AFF3: variants seen among roughly 807,000 people sequenced by gnomAD.
The protein encoded by AFF3 is AF4/FMR2 family member 3.
AFF3 carries 32 observed loss-of-function variants against 129.7 expected under a neutral mutation model. The ratio of observed to expected loss-of-function variants is 0.25; its 90% confidence interval spans 0.19 to 0.33. The LOEUF (loss-of-function observed/expected upper bound fraction) is 0.33, where lower values mean the gene tolerates loss of function less well. AFF3 is among the 10% of genes least tolerant of loss of function. The probability of loss-of-function intolerance (pLI) is 1.00; values close to 1 mark genes in which losing one functional copy is unlikely to be tolerated. For missense variants in AFF3, 1,373 were observed against 1,592.0 expected, an observed-to-expected ratio of 0.86 and a Z score of 2.34; for synonymous variants, 644 against 635.4, an observed-to-expected ratio of 1.01 and a Z score of -0.20.
intron 7 of AFF3, among the ~76,000 whole-genome samples, chr2:99,898,898 C>A (rs2106131149): frequency 6.6e-6 from 1 of 152,336 alleles, no homozygotes; most frequent in East Asian, 1.9e-4. Flanking sequence ...CTCACAGGGC[C>A]TGTCCTGCCT....
chr2:100,003,966 A>G (rs1328293362), intron 7 of AFF3, among the ~76,000 whole-genome samples: 3 of 146,096 alleles, frequency 2.1e-5, no homozygotes, highest in African/African-American at 8.1e-5. Context: ...GGAGGCAGAG[A>G]TTACATCTTA....
At chr2:99,563,144 G>A (rs895089635) in intron 20 of AFF3, among the ~76,000 whole-genome samples, 1 of 152,018 alleles carries the variant, frequency 6.6e-6, no homozygotes, top group Non-Finnish European at 1.5e-5. Flanking sequence ...GGGAGAGGAG[G>A]GTCAGGCAGG....
rs529207118 is a variant in AFF3, at chr2:99,682,741, C to A, written c.1092-10152G>T. ...GAACTACATTTCCCCAGAATCCCTGCCGATAGGGTTTTTGGTTAAATGTTG... is the reference window on the plus strand; with the variant it reads ...GAACTACATTTCCCCAGAATCCCTGACGATAGGGTTTTTGGTTAAATGTTG... On this transcript the variant is annotated intron_variant, in intron 11 of 24. Transcript: ENST00000672756. Among the ~76,000 whole-genome samples the A allele has an allele frequency of 8.5e-5, 13 of 152,298 alleles. No homozygotes were observed. In the South Asian group the frequency reaches 2.7e-3, roughly 32 times the overall value.
intron 8 of AFF3, among the ~76,000 whole-genome samples, chr2:99,828,889 T>C (rs1286718421): frequency 6.6e-6 from 1 of 152,182 alleles, no homozygotes; most frequent in African/African-American, 2.4e-5. Context: ...ATACTTTTAG[T>C]AGAATCTTAT....
chr2:99,906,805 C>T (rs1194844193), intron 7 of AFF3, among the ~76,000 whole-genome samples: 3 of 151,936 alleles, frequency 2.0e-5, no homozygotes, highest in Admixed American at 2.0e-4. Context: ...TAAGCCAACA[C>T]CTTGCAATCA....
chr2:100,021,231 C>A (rs1261360217), intron 4 of AFF3, among the ~76,000 whole-genome samples: 2 of 152,164 alleles, frequency 1.3e-5, no homozygotes, highest in African/African-American at 2.4e-5. Flanking sequence ...TTAAACCATA[C>A]CATAAGAAGA....
chr2:100,059,351 A>C (rs1015809467), intron 4 of AFF3, among the ~76,000 whole-genome samples: 1 of 151,706 alleles, frequency 6.6e-6, no homozygotes, highest in Admixed American at 6.6e-5. Context: ...AAAGGTGTTC[A>C]ACATCTTTAG....
At chr2:99,830,525 G>A (rs1232672190) in intron 8 of AFF3, among the ~76,000 whole-genome samples, 1 of 152,180 alleles carries the variant, frequency 6.6e-6, no homozygotes, top group East Asian at 1.9e-4. Context: ...GCCGAGACAG[G>A]TGGATCATGT....
intron 12 of AFF3, among the ~76,000 whole-genome samples, chr2:99,661,519 G>A (rs1686228061): frequency 6.6e-6 from 1 of 151,994 alleles, no homozygotes; most frequent in African/African-American, 2.4e-5. Flanking sequence ...TTCCATTTAG[G>A]GTCCTCAGGC....
At chr2:100,105,239 G>A in intron 3 of AFF3, 1 of 1,038,960 alleles carries the variant, frequency 9.6e-7, no homozygotes, top group Non-Finnish European at 1.2e-6. Flanking sequence ...GGGCGCTCCC[G>A]CGGGCGGCGG....
At chr2:99,986,578 G>A (rs555462214) in intron 7 of AFF3, among the ~76,000 whole-genome samples, 1 of 152,200 alleles carries the variant, frequency 6.6e-6, no homozygotes, top group East Asian at 1.9e-4. Context: ...TATATTTAAA[G>A]CAAAGAAGCT....
Position 100,033,293 on chromosome 2 carries a change from C to A in AFF3, c.54-24361G>T, listed in dbSNP as rs181763212. On this transcript the variant is annotated intron_variant, in intron 4 of 24. Coordinates refer to ENST00000672756, the MANE Select transcript of AFF3 (RefSeq NM_001386135.1). ...TATTAAAAAAAATTAAATTATATGG[C>A]CCTAAAACTTTAGGTAAGAGGAAGC... Among the ~76,000 whole-genome samples, 16 of 152,170 alleles carry A rather than the reference C, an allele frequency of 1.1e-4. No homozygotes were observed. In the East Asian group the frequency reaches 1.4e-3, roughly 13 times the overall value.
chr2:100,042,459 T>C (rs781653075), intron 4 of AFF3, among the ~76,000 whole-genome samples: 29 of 152,184 alleles, frequency 1.9e-4, no homozygotes, highest in Admixed American at 3.9e-4. Flanking sequence ...TAGAACTGTG[T>C]CTGACACACA....
At chr2:99,957,414 A>G (rs1399559083) in intron 7 of AFF3, among the ~76,000 whole-genome samples, 1 of 152,212 alleles carries the variant, frequency 6.6e-6, no homozygotes, top group East Asian at 1.9e-4. Flanking sequence ...GAACCTCCAC[A>G]GCCTGTCAAA....
intron 1 of AFF3, among the ~76,000 whole-genome samples, chr2:100,140,406 C>T (rs114060019): frequency 5.5e-4 from 84 of 152,276 alleles, no homozygotes; most frequent in Middle Eastern, 3.4e-3. Context: ...TGAAACTGGA[C>T]GTCCTCACTG....
chr2:99,872,645 A>T (rs930241121), intron 7 of AFF3, among the ~76,000 whole-genome samples: 5 of 151,204 alleles, frequency 3.3e-5, no homozygotes, highest in Non-Finnish European at 7.4e-5. Flanking sequence ...AAAATAAAAT[A>T]AAATTTATCG....
intron 8 of AFF3, among the ~76,000 whole-genome samples, chr2:99,826,016 T>C (rs781373714): frequency 9.4e-5 from 10 of 106,420 alleles, no homozygotes; most frequent in African/African-American, 3.4e-4. Flanking sequence ...ACTTAAAAAA[T>C]TTTTTTTTAA....
chr2:100,079,876 C>T (rs1688908390), intron 4 of AFF3, among the ~76,000 whole-genome samples: 1 of 152,114 alleles, frequency 6.6e-6, no homozygotes, highest in Non-Finnish European at 1.5e-5. Flanking sequence ...AGTAACTCAG[C>T]CTCCTTGACG....
chr2:99,649,463 A>C (rs1368460106), intron 13 of AFF3, among the ~76,000 whole-genome samples, 163 bp downstream of exon 13: 1 of 152,212 alleles, frequency 6.6e-6, no homozygotes, highest in Non-Finnish European at 1.5e-5. Context: ...TTTTGCAGTG[A>C]TAAACTCCAC....
Sources: gnomAD v4.1 joint callset for allele counts (sites outside exome capture counted in the v4.1 genomes callset) on GRCh38, gnomAD v4.1.1 for gene constraint, MANE v1.5 for transcripts, NCBI Gene and HGNC (gene_info 2026-07-23, HGNC 2026-07-21) for gene names.